Variants in NEK1 observed in about 807,000 individuals in gnomAD.
NEK1 encodes serine/threonine-protein kinase Nek1.
In NEK1, 137 loss-of-function variants were observed where a neutral mutation model predicts 182.1. The observed-to-expected ratio is 0.75, with a 90% CI of 0.65 to 0.87. The LOEUF is 0.87. NEK1 is among the 40% of genes least tolerant of loss of function. The pLI, the probability that NEK1 is intolerant of heterozygous loss-of-function variation, is 0.00. For missense variants in NEK1, 1,391 were observed against 1,494.4 expected, an observed-to-expected ratio of 0.93 and a Z score of 1.14; for synonymous variants, 513 against 492.2, an observed-to-expected ratio of 1.04 and a Z score of -0.56.
rs181387745 is a variant in NEK1, at chr4:169,576,764, G to A, written c.1020+164C>T. 2.1e-5 allele frequency: 13 copies of A among 608,376 alleles called. No individual in the cohort carries two copies. In the Admixed American group the frequency reaches 3.0e-4, roughly 14 times the overall value. The allele number at this position is 608,376 out of a possible 1,614,324, so 37.7% of individuals were successfully genotyped here. On this transcript the variant is annotated intron_variant, in intron 12 of 35. Coordinates refer to ENST00000507142, the MANE Select transcript of NEK1 (RefSeq NM_001199397.3). ...TACTTAATGACTTTTTATGACTCCT[G>A]TAAGGCTTCTCAGTTTTAGAGGACT... is the stretch of plus-strand genomic sequence containing the variant.
intron 9 of NEK1, among the ~76,000 whole-genome samples, chr4:169,587,310 T>C (rs945695857): frequency 5.3e-5 from 8 of 151,938 alleles, no homozygotes; most frequent in African/African-American, 7.2e-5. Flanking sequence ...TAGCAAAATT[T>C]ATTTCTGTCA....
chr4:169,404,173 T>C (rs1271927379), intron 32 of NEK1, among the ~76,000 whole-genome samples: 1 of 152,162 alleles, frequency 6.6e-6, no homozygotes, highest in Non-Finnish European at 1.5e-5. Flanking sequence ...AAAATTTTAG[T>C]TAGCAGTTTG....
At chr4:169,586,012 T>A (rs1421692814) in intron 9 of NEK1, among the ~76,000 whole-genome samples, 1 of 152,142 alleles carries the variant, frequency 6.6e-6, no homozygotes, top group Non-Finnish European at 1.5e-5. Context: ...AATACTTTCC[T>A]TTTAGACAAT....
chr4:169,590,892 T>A, intron 5 of NEK1, 83 bp from the exon 6 acceptor site: 1 of 890,338 alleles, frequency 1.1e-6, no homozygotes, highest in South Asian at 1.6e-5. Flanking sequence ...AGGAACTAAA[T>A]CCTTAAAAAG....
chr4:169,500,440 G>A (rs757470598), intron 23 of NEK1, among the ~76,000 whole-genome samples: 12 of 152,298 alleles, frequency 7.9e-5, no homozygotes, highest in Admixed American at 3.3e-4. Flanking sequence ...CCAGTGAGAC[G>A]AACCCAGTAC....
chr4:169,478,601 C>G (rs974515429), intron 24 of NEK1, among the ~76,000 whole-genome samples: 1 of 152,014 alleles, frequency 6.6e-6, no homozygotes, highest in Non-Finnish European at 1.5e-5. Flanking sequence ...TTTTCAAAAT[C>G]AACCCAAAGG....
intron 18 of NEK1, among the ~76,000 whole-genome samples, chr4:169,539,940 C>T (rs557126363): frequency 1.5e-4 from 23 of 152,254 alleles, no homozygotes; most frequent in African/African-American, 5.5e-4. Context: ...ATAGGTTAAA[C>T]AGCGGTTGCA....
chr4:169,458,115 A>G (rs1743262586), intron 27 of NEK1, among the ~76,000 whole-genome samples: 1 of 152,094 alleles, frequency 6.6e-6, no homozygotes, highest in African/African-American at 2.4e-5. Flanking sequence ...ATTGAAGGAG[A>G]ACAAAGTTGG....
At chr4:169,467,801 G>T (rs1455443652) in intron 26 of NEK1, among the ~76,000 whole-genome samples, 1 of 150,770 alleles carries the variant, frequency 6.6e-6, no homozygotes, top group Non-Finnish European at 1.5e-5. Flanking sequence ...TTTACAATGG[G>T]TTTATTAGAC....
At chr4:169,452,475 T>C (rs372625693) in intron 27 of NEK1, among the ~76,000 whole-genome samples, 1 of 152,174 alleles carries the variant, frequency 6.6e-6, no homozygotes, top group African/African-American at 2.4e-5. Flanking sequence ...ATGATCAAGT[T>C]GGCTTCATCC....
At chr4:169,606,697 TC>T (rs1329197910) in intron 2 of NEK1, among the ~76,000 whole-genome samples, 2 of 152,192 alleles carry the variant, frequency 1.3e-5, no homozygotes, top group Admixed American at 6.5e-5. Context: ...AGAATGGAAA[TC>T]CCATCTATGA....
At chr4:169,450,536 A>G (rs1741513205) in intron 27 of NEK1, among the ~76,000 whole-genome samples, 1 of 152,218 alleles carries the variant, frequency 6.6e-6, no homozygotes, top group Non-Finnish European at 1.5e-5. Flanking sequence ...AACATTCTTC[A>G]AGGAAAGAAT....
At chr4:169,556,223 T>A in intron 16 of NEK1, 128 bp from the exon 17 acceptor site, 2 of 813,510 alleles carry the variant, frequency 2.5e-6, no homozygotes, top group African/African-American at 1.7e-5. Context: ...ATGAACATAC[T>A]AACAAACATA....
intron 18 of NEK1, among the ~76,000 whole-genome samples, chr4:169,553,861 G>A (rs1761770435): frequency 1.3e-5 from 2 of 152,158 alleles, no homozygotes; most frequent in Non-Finnish European, 2.9e-5. Flanking sequence ...GAGGATGTGG[G>A]GCAACAGGAA....
At chr4:169,549,629 G>C (rs1301367857) in intron 18 of NEK1, among the ~76,000 whole-genome samples, 1 of 152,042 alleles carries the variant, frequency 6.6e-6, no homozygotes, top group Non-Finnish European at 1.5e-5. Context: ...TGCCACGTTG[G>C]CCAGGCTAGT....
At chr4:169,566,729 G>A (rs948952502) in intron 12 of NEK1, among the ~76,000 whole-genome samples, 11 of 151,986 alleles carry the variant, frequency 7.2e-5, no homozygotes, top group Admixed American at 3.3e-4. Context: ...AAATTCTAAC[G>A]GGCCATTGTG....
At chr4:169,446,084 C>T (rs4353861) in intron 27 of NEK1, among the ~76,000 whole-genome samples, 125,504 of 151,590 alleles carry the variant, frequency 0.83, 52,545 homozygotes, top group East Asian at 0.96. Flanking sequence ...GAAAGTGTGG[C>T]TGGTTAATGC....
intron 5 of NEK1, among the ~76,000 whole-genome samples, chr4:169,594,377 A>G (rs1465200661): frequency 6.6e-6 from 1 of 152,234 alleles, no homozygotes; most frequent in African/African-American, 2.4e-5. Context: ...CAAACATTAT[A>G]CTAATGGAAA....
intron 23 of NEK1, among the ~76,000 whole-genome samples, chr4:169,506,059 C>T (rs916084446): frequency 6.7e-6 from 1 of 148,246 alleles, no homozygotes; most frequent in African/African-American, 2.5e-5. Context: ...TAATATAATA[C>T]TAATCAAAAT....
Sources: allele counts gnomAD v4.1 joint callset (sites outside exome capture counted in the v4.1 genomes callset), GRCh38; gene constraint gnomAD v4.1.1; transcripts MANE v1.5; gene names NCBI Gene and HGNC (gene_info 2026-07-23, HGNC 2026-07-21).